Variants in DNAH17 observed in about 807,000 individuals in gnomAD.
DNAH17 encodes dynein axonemal heavy chain 17, also known as axonemal beta dynein heavy chain 17.
Under a neutral mutation model 485.6 loss-of-function variants are expected in DNAH17, and 376 were observed. The ratio of observed to expected loss-of-function variants is 0.77; its 90% CI spans 0.71 to 0.84. The LOEUF (loss-of-function observed/expected upper bound fraction) is 0.84, where lower values mean the gene tolerates loss of function less well. Among genes scored for constraint, DNAH17 ranks in the 40% least tolerant of loss-of-function variants. The pLI is 0.00. For missense variants in DNAH17, 6,370 were observed against 5,839.3 expected, an observed-to-expected ratio of 1.09 and a Z score of -2.96; for synonymous variants, 3,031 against 2,405.9, an observed-to-expected ratio of 1.26 and a Z score of -7.60.
intron 51 of DNAH17, among the ~76,000 whole-genome samples, chr17:78,477,942 T>TCATCAC (rs1568116997): frequency 6.9e-6 from 1 of 144,898 alleles, no homozygotes. Context: ...ATCACCACCA[T>TCATCAC]CACCATTATC....
intron 41 of DNAH17, 29 bp from the exon 42 acceptor site, chr17:78,492,794 G>A (rs2089918070): frequency 4.4e-6 from 7 of 1,599,046 alleles, no homozygotes; most frequent in Non-Finnish European, 6.0e-6. Context: ...ACTCACGTGT[G>A]ACTCCATGTT....
chr17:78,491,090 AACCATC>A (rs2089831883), intron 43 of DNAH17, among the ~76,000 whole-genome samples: 1 of 152,032 alleles, frequency 6.6e-6, no homozygotes, highest in Admixed American at 6.5e-5. Flanking sequence ...TGCTTTCTCA[AACCATC>A]ACCCCTCCCC....
chr17:78,485,462 G>A, intron 47 of DNAH17, 88 bp downstream of exon 47: 2 of 1,291,624 alleles, frequency 1.5e-6, no homozygotes, highest in Non-Finnish European at 2.1e-6. Flanking sequence ...GCTAGTGAGT[G>A]CCTGGGCCTG....
At chr17:78,434,271 C>T in intron 74 of DNAH17, 51 bp from the exon 75 acceptor site, 1 of 1,542,636 alleles carries the variant, frequency 6.5e-7, no homozygotes, top group East Asian at 2.3e-5. Flanking sequence ...GAAGTTTACA[C>T]AGAAATGCCC....
At chr17:78,443,850 T>C (rs1310741407) in intron 71 of DNAH17, among the ~76,000 whole-genome samples, 1 of 152,134 alleles carries the variant, frequency 6.6e-6, no homozygotes, top group Non-Finnish European at 1.5e-5. Context: ...CAGAGGGTAA[T>C]TCTATTAGGG....
intron 64 of DNAH17, 29 bp from the exon 65 acceptor site, chr17:78,453,494 T>C (rs1430790809): frequency 1.9e-6 from 3 of 1,612,754 alleles, no homozygotes; most frequent in African/African-American, 1.3e-5. Flanking sequence ...AGCTGGTTCA[T>C]GGCAGAGGGC....
intron 56 of DNAH17, among the ~76,000 whole-genome samples, chr17:78,464,077 G>C (rs537305193): frequency 1.3e-5 from 2 of 152,128 alleles, no homozygotes; most frequent in East Asian, 3.8e-4. Context: ...CTAGTTTCAG[G>C]TTTATTCTGT....
At position 78,507,144 on chromosome 17, in the gene DNAH17, A is replaced by AATTGATT. The variant is rs569701728; in HGVS notation, c.4676+127_4676+133dup. The AATTGATT allele has an allele frequency of 2.5e-4, 255 of 1,029,762 alleles. No individual in the cohort carries two copies. In the African/African-American group the frequency reaches 3.6e-3, roughly 14 times the overall value. 63.8% of individuals were successfully genotyped at this position (1,029,762 alleles called of 1,614,324 possible). A position where few individuals can be genotyped will look rare whatever the true frequency, so the allele number is the denominator to read the frequency against. ...GAGTGTGTGCTCCCCAGGGAAAGGC[A>AATTGATT]ATTGATTAACCCAGGACCCATGGTT... On this transcript the variant is annotated intron_variant, in intron 29 of 80. Coordinates refer to ENST00000389840, the MANE Select transcript of DNAH17 (RefSeq NM_173628.4).
At chr17:78,437,555 G>A in intron 74 of DNAH17, 86 bp downstream of exon 74, 1 of 1,030,318 alleles carries the variant, frequency 9.7e-7, no homozygotes, top group Non-Finnish European at 1.4e-6. Context: ...GTTCAGAGCG[G>A]TCCTCAGTGG....
chr17:78,459,048 G>T lies in DNAH17; in HGVS notation c.9814C>A (p.Leu3272Met). ...RQALEEANAE[L>M]AEAQEKLSRI... ...GACAGCTTCTCTTGTGCCTCTGCCA[G>T]CTCTGCATTAGCCTCCTCCAGTGCC... Residue 3272 changes from leucine to methionine, a missense_variant, in exon 61 of 81, where the codon CTG (leucine) becomes ATG (methionine). Transcript: ENST00000389840. 6.2e-7 allele frequency: 1 copy of T among 1,614,056 alleles called. No individual in the cohort carries two copies. The highest frequency in any genetic ancestry group is 1.1e-5 in the South Asian group (1 of 91,092).
intron 20 of DNAH17, among the ~76,000 whole-genome samples, chr17:78,531,059 C>A (rs2091222851): frequency 6.6e-6 from 1 of 152,156 alleles, no homozygotes; most frequent in African/African-American, 2.4e-5. Context: ...TCTGTTGGTC[C>A]CTGTGATCTA....
At chr17:78,495,597 C>T (rs558663781) in intron 38 of DNAH17, among the ~76,000 whole-genome samples, 8 of 152,158 alleles carry the variant, frequency 5.3e-5, no homozygotes, top group African/African-American at 1.7e-4. Context: ...ACCACCACAC[C>T]GAGCTAATTT....
intron 11 of DNAH17, among the ~76,000 whole-genome samples, 158 bp from the exon 12 acceptor site, chr17:78,562,138 G>A (rs1314240975): frequency 1.3e-5 from 2 of 152,218 alleles, no homozygotes; most frequent in African/African-American, 4.8e-5. Context: ...TGTGTCAACT[G>A]GCTCAGTGGA....
Position 78,507,794 on chromosome 17 carries a change from G to A in DNAH17, c.4248C>T (p.Ala1416=), listed in dbSNP as rs1330011126. The part of the protein sequence containing the change: ...KESGMEKVLK[A]LDSTWSMMEF... ...CCATCATGCTCCAGGTACTGTCCAG[G>A]GCTTTCAGCACCTTTTGGGGGAACA... The change falls in exon 28 of 81, where the codon GCC becomes GCT. Residue 1416 remains alanine, a synonymous_variant. Transcript: ENST00000389840. The A allele has an allele frequency of 6.4e-6, 10 of 1,570,482 alleles. No individual in the cohort carries two copies. Among genetic ancestry groups the A allele is most frequent in the Non-Finnish European group, 7.7e-6 (9 of 1,163,140 alleles).
intron 62 of DNAH17, among the ~76,000 whole-genome samples, chr17:78,458,281 A>G (rs1256882777): frequency 2.0e-5 from 3 of 152,236 alleles, no homozygotes; most frequent in Non-Finnish European, 4.4e-5. Flanking sequence ...TGGTGGCTGA[A>G]AGTGGGTTAT....
chr17:78,536,694 G>A (rs1428675001), intron 19 of DNAH17, among the ~76,000 whole-genome samples: 1 of 151,846 alleles, frequency 6.6e-6, no homozygotes, highest in African/African-American at 2.4e-5. Context: ...AAAATTACAG[G>A]ACTGAGTGAA....
In DNAH17 at chr17:78,459,070, T is replaced by C; in HGVS notation, c.9792A>G (p.Ala3264=). The C allele has an allele frequency of 6.2e-7, 1 of 1,614,026 alleles. No individual in the cohort carries two copies. Among genetic ancestry groups the C allele is most frequent in the Non-Finnish European group, 8.5e-7 (1 of 1,179,886 alleles). ...VYCDVAPKRQ[A]LEEANAELAE... ...CCAGCTCTGCATTAGCCTCCTCCAGTGCCTGCCTCTTGGGCGCCACGTCGC... is the reference window on the plus strand; with the variant it reads ...CCAGCTCTGCATTAGCCTCCTCCAGCGCCTGCCTCTTGGGCGCCACGTCGC... Residue 3264 remains alanine (A), a synonymous_variant, in exon 61 of 81, where the codon GCA becomes GCG. Coordinates refer to ENST00000389840, the MANE Select transcript of DNAH17 (RefSeq NM_173628.4).
intron 77 of DNAH17, 45 bp downstream of exon 77, chr17:78,428,480 A>G: frequency 6.4e-7 from 1 of 1,553,638 alleles, no homozygotes; most frequent in Non-Finnish European, 8.7e-7. Context: ...TCAGTTCTAG[A>G]TCCTCCCCCT....
chr17:78,504,894 C>CTTTTTT lies in DNAH17; in HGVS notation c.4956+393_4956+398dup, dbSNP rs66596656. 6.3e-4 allele frequency among the ~76,000 whole-genome samples: 37 copies of CTTTTTT among 58,970 alleles called. 1 individual carries two copies. Among genetic ancestry groups the CTTTTTT allele is most frequent in the African/African-American group, 2.4e-3 (34 of 14,224 alleles). The allele number at this position is 58,970 out of a possible 152,430, so 38.7% of individuals were successfully genotyped here. A position where few individuals can be genotyped will look rare whatever the true frequency, so the allele number is the denominator to read the frequency against. ...AAAGGATTCAATGATATTAACAGGG[C>CTTTTTT]TTTTTTTTTTTTTTTTTTTTTTTTT... On this transcript the variant is annotated intron_variant, in intron 31 of 80. Transcript: ENST00000389840.
Sources: gnomAD v4.1 joint callset for allele counts (sites outside exome capture counted in the v4.1 genomes callset) on GRCh38, gnomAD v4.1.1 for gene constraint, MANE v1.5 for transcripts, NCBI Gene and HGNC (gene_info 2026-07-23, HGNC 2026-07-21) for gene names.